Variants in CHODL observed in about 807,000 individuals in gnomAD.
CHODL encodes transmembrane protein MT75.
A neutral mutation model predicts 34.5 loss-of-function variants in CHODL; 29 were observed. The ratio of observed to expected loss-of-function variants is 0.84; its 90% CI spans 0.63 to 1.15. CHODL has a LOEUF of 1.15. Among genes scored for constraint, CHODL ranks in the 50% most tolerant of loss-of-function variants. CHODL has a pLI of 0.00. For missense variants in CHODL, 332 were observed against 332.5 expected (o/e 1.00, Z 0.01); for synonymous variants, 125 against 116.1 (o/e 1.08, Z -0.49).
At chr21:18,218,317 T>G (rs1354642275) in intron 2 of CHODL, among the ~76,000 whole-genome samples, 2 of 152,214 alleles carry the variant, frequency 1.3e-5, no homozygotes, top group Non-Finnish European at 2.9e-5. Context: ...ACCTGCAGGC[T>G]CAACAGCATG....
intron 2 of CHODL, among the ~76,000 whole-genome samples, chr21:18,138,511 TG>T (rs1210365396): frequency 6.6e-6 from 1 of 152,226 alleles, no homozygotes; most frequent in Non-Finnish European, 1.5e-5. Context: ...GTCATATTGA[TG>T]GAGATTCCTT....
At chr21:18,130,277 C>T (rs949306345) in intron 2 of CHODL, among the ~76,000 whole-genome samples, 39 of 152,140 alleles carry the variant, frequency 2.6e-4, no homozygotes, top group South Asian at 8.3e-4. Flanking sequence ...AAATGCTTAA[C>T]GCCAGCCTGG....
At chr21:18,130,217 G>A (rs576854945) in intron 2 of CHODL, among the ~76,000 whole-genome samples, 6 of 152,108 alleles carry the variant, frequency 3.9e-5, no homozygotes, top group South Asian at 4.2e-4. Context: ...GGTAATAATC[G>A]TATCTTTGTT....
At chr21:18,025,636 G>A (rs559853369) in intron 1 of CHODL, among the ~76,000 whole-genome samples, 7 of 152,026 alleles carry the variant, frequency 4.6e-5, no homozygotes, top group Non-Finnish European at 7.4e-5. Flanking sequence ...TGGCATATTA[G>A]ATTGCTAGGG....
intron 2 of CHODL, among the ~76,000 whole-genome samples, chr21:18,186,560 C>CA (rs1185312433): frequency 1.3e-5 from 2 of 152,104 alleles, no homozygotes; most frequent in African/African-American, 2.4e-5. Flanking sequence ...TATGGAGGGG[C>CA]AAAATACCAC....
chr21:18,042,790 C>A (rs370519602), intron 2 of CHODL, among the ~76,000 whole-genome samples: 1 of 151,828 alleles, frequency 6.6e-6, no homozygotes, highest in East Asian at 1.9e-4. Context: ...TGCTGGGACA[C>A]GAATATGCAA....
intron 1 of CHODL, among the ~76,000 whole-genome samples, chr21:18,000,270 G>A (rs774573898): frequency 5.3e-4 from 81 of 152,048 alleles, no homozygotes; most frequent in Non-Finnish European, 1.0e-3. Flanking sequence ...ACTTTGTAGT[G>A]AAAGGATGAT....
chr21:18,106,897 C>T (rs1312160929), intron 2 of CHODL, among the ~76,000 whole-genome samples: 1 of 152,166 alleles, frequency 6.6e-6, no homozygotes, highest in Admixed American at 6.5e-5. Context: ...CCTTATGGGA[C>T]CCTGACACCA....
intron 2 of CHODL, among the ~76,000 whole-genome samples, chr21:18,127,680 T>G (rs916459991): frequency 2.3e-5 from 3 of 132,280 alleles, no homozygotes; most frequent in Admixed American, 7.4e-5. Context: ...TTGTTTTTTT[T>G]TTTTTTTTTT....
At chr21:18,165,758 TA>T (rs1268458107) in intron 2 of CHODL, among the ~76,000 whole-genome samples, 2 of 152,294 alleles carry the variant, frequency 1.3e-5, no homozygotes, top group Non-Finnish European at 2.9e-5. Context: ...GCAGGGTAAA[TA>T]ATCTCCACCT....
At chr21:18,062,671 C>T (rs1309513226) in intron 2 of CHODL, among the ~76,000 whole-genome samples, 2 of 152,092 alleles carry the variant, frequency 1.3e-5, no homozygotes, top group Non-Finnish European at 2.9e-5. Context: ...GAGGCTGAGG[C>T]AGGAGAATTG....
At chr21:17,934,235 A>T (rs201073628) in intron 1 of CHODL, among the ~76,000 whole-genome samples, 1 of 50,774 alleles carries the variant, frequency 2.0e-5, no homozygotes, top group African/African-American at 7.5e-5. Context: ...CTATAAAAAT[A>T]AAAAAAAAAA....
At chr21:18,153,364 G>C (rs1291618896) in intron 2 of CHODL, among the ~76,000 whole-genome samples, 1 of 152,116 alleles carries the variant, frequency 6.6e-6, no homozygotes, top group Admixed American at 6.5e-5. Context: ...TTTATTTTTA[G>C]ATCCCAGAAG....
chr21:17,963,071 AAAAATAATAATAAT>A (rs995516336), intron 1 of CHODL, among the ~76,000 whole-genome samples: 7 of 70,314 alleles, frequency 1.0e-4, no homozygotes, highest in African/African-American at 4.6e-4. Flanking sequence ...CTCAAAAAAA[AAAAATAATAATAAT>A]AATAATAATA....
chr21:17,936,741 G>C (rs1334349012), intron 1 of CHODL, among the ~76,000 whole-genome samples: 1 of 152,134 alleles, frequency 6.6e-6, no homozygotes. Flanking sequence ...ATACACGGAG[G>C]GGTAATCTTT....
chr21:17,946,297 TGGTCCCAGCTACTCGGGA>T (rs922577296), intron 1 of CHODL, among the ~76,000 whole-genome samples: 3 of 152,124 alleles, frequency 2.0e-5, no homozygotes, highest in Admixed American at 6.5e-5. Flanking sequence ...CGGGTGCCTG[TGGTCCCAGCTACTCGGGA>T]GGCTGAGGCA....
chr21:18,119,338 C>T (rs185880611), intron 2 of CHODL, among the ~76,000 whole-genome samples: 126 of 152,048 alleles, frequency 8.3e-4, no homozygotes, highest in Admixed American at 2.0e-3. Flanking sequence ...CCATTAACTC[C>T]CCGTTTGCTT....
At chr21:18,236,619 T>C (rs1284802057) in intron 2 of CHODL, among the ~76,000 whole-genome samples, 3 of 152,058 alleles carry the variant, frequency 2.0e-5, no homozygotes, top group Non-Finnish European at 4.4e-5. Context: ...AACACCACAC[T>C]AGAAATTATA....
chr21:18,117,083 A>G (rs564455671), intron 2 of CHODL, among the ~76,000 whole-genome samples: 1 of 152,220 alleles, frequency 6.6e-6, no homozygotes, highest in Non-Finnish European at 1.5e-5. Flanking sequence ...GCGGTGTTCC[A>G]CTATCAATAG....
Sources: gnomAD v4.1 joint callset for allele counts (sites outside exome capture counted in the v4.1 genomes callset) on GRCh38, gnomAD v4.1.1 for gene constraint, MANE v1.5 for transcripts, NCBI Gene and HGNC (gene_info 2026-07-23, HGNC 2026-07-21) for gene names.